Variants in SGCZ observed in about 807,000 individuals in gnomAD.
SGCZ encodes the protein zeta-sarcoglycan.
SGCZ carries 40 observed loss-of-function variants against 41.3 expected under a neutral mutation model. That is an observed-to-expected ratio of 0.97 (90% CI 0.75 to 1.26). SGCZ has a LOEUF of 1.26. Ranked by LOEUF, SGCZ falls within the 50% of genes most tolerant of loss-of-function variation. SGCZ has a pLI of 0.00. For synonymous variants in SGCZ, 206 were observed against 137.5 expected (o/e 1.50, Z -3.49); for missense variants, 552 against 369.8 (o/e 1.49, Z -4.04).
intron 1 of SGCZ, among the ~76,000 whole-genome samples, chr8:14,624,286 A>G (rs1284029018): frequency 6.6e-6 from 1 of 152,068 alleles, no homozygotes; most frequent in African/African-American, 2.4e-5. Flanking sequence ...CCCAATAACA[A>G]TGTTTATAAT....
intron 1 of SGCZ, among the ~76,000 whole-genome samples, chr8:14,658,426 C>T (rs1232577290): frequency 6.6e-6 from 1 of 152,088 alleles, no homozygotes; most frequent in Non-Finnish European, 1.5e-5. Flanking sequence ...TTGCTCCGTG[C>T]TTTCCTATTT....
intron 1 of SGCZ, among the ~76,000 whole-genome samples, chr8:15,062,407 T>C (rs1271622061): frequency 6.6e-6 from 1 of 152,172 alleles, no homozygotes; most frequent in African/African-American, 2.4e-5. Context: ...AAGTAGGTTT[T>C]CGTCTGTCTG....
At chr8:14,129,379 T>G (rs1802966312) in intron 5 of SGCZ, among the ~76,000 whole-genome samples, 1 of 139,910 alleles carries the variant, frequency 7.1e-6, no homozygotes, top group African/African-American at 2.6e-5. Context: ...AAAAATCTGC[T>G]CTTGTACTCA....
At position 14,621,946 on chromosome 8, in the gene SGCZ, T is replaced by C. The variant is rs550636565; in HGVS notation, c.40-67020A>G. 8.5e-5 allele frequency among the ~76,000 whole-genome samples: 13 copies of C among 152,202 alleles called. No homozygotes were observed. In the East Asian group the frequency reaches 1.9e-3, roughly 23 times the overall value. On this transcript the variant is annotated intron_variant, in intron 1 of 7. Coordinates refer to ENST00000382080, the MANE Select transcript of SGCZ (RefSeq NM_139167.4). The stretch of plus-strand genomic sequence containing the variant: ...TCTCTCCCCAAACCATACAGACTTA[T>C]GGTTTGGCTCTGTGTCCCCGCCAAG...
At chr8:14,896,437 T>TTTTATTGATTTATTTATTTA (rs1554518748) in intron 1 of SGCZ, among the ~76,000 whole-genome samples, 6 of 151,306 alleles carry the variant, frequency 4.0e-5, no homozygotes, top group African/African-American at 1.5e-4. Context: ...GATGGAAGAC[T>TTTTATTGATTTATTTATTTA]TTTATTTATT....
chr8:14,860,734 G>GAAAA (rs1431132460), intron 1 of SGCZ, among the ~76,000 whole-genome samples: 1 of 137,708 alleles, frequency 7.3e-6, no homozygotes, highest in African/African-American at 2.6e-5. Flanking sequence ...AAGAAAGAAA[G>GAAAA]AAAGTAAGTA....
intron 3 of SGCZ, among the ~76,000 whole-genome samples, chr8:14,288,620 A>G (rs1442163820): frequency 1.3e-5 from 2 of 152,168 alleles, no homozygotes; most frequent in East Asian, 3.8e-4. Context: ...ATAGTATTTC[A>G]ATCCTTTCAT....
chr8:14,236,929 T>C (rs28422064), intron 4 of SGCZ, among the ~76,000 whole-genome samples: 1,572 of 152,030 alleles, frequency 0.01, 33 homozygotes, highest in African/African-American at 0.036. Flanking sequence ...CATTAATTTA[T>C]ATTAACAACA....
intron 5 of SGCZ, among the ~76,000 whole-genome samples, chr8:14,139,933 T>C (rs1478214700): frequency 6.6e-6 from 1 of 152,162 alleles, no homozygotes; most frequent in Non-Finnish European, 1.5e-5. Context: ...GCAAAAATCC[T>C]CAATAAAATA....
chr8:14,410,204 C>T (rs11984849), intron 2 of SGCZ, among the ~76,000 whole-genome samples: 20,441 of 151,994 alleles, frequency 0.13, 3,016 homozygotes, highest in African/African-American at 0.37. Context: ...GAACATTTAT[C>T]CCGAAACCAT....
In SGCZ at chr8:14,630,869, T is replaced by C. The variant is rs192043924; in HGVS notation, c.40-75943A>G. Among the ~76,000 whole-genome samples, 540 of 89,744 alleles carry C rather than the reference T, an allele frequency of 6.0e-3. 3 individuals carry two copies. The highest frequency in any genetic ancestry group is 0.022 in the African/African-American group (506 of 23,418). The allele number at this position is 89,744 out of a possible 152,430, so 58.9% of individuals were successfully genotyped here. On this transcript the variant is annotated intron_variant, in intron 1 of 7. Coordinates refer to ENST00000382080, the MANE Select transcript of SGCZ (RefSeq NM_139167.4). ...GGGAACATCAGACACTGGGGCCTGT[T>C]GTGGGGTGGGGGGAGGGGAGAGGGA...
At chr8:14,118,420 T>C (rs1802592122) in intron 5 of SGCZ, among the ~76,000 whole-genome samples, 1 of 152,118 alleles carries the variant, frequency 6.6e-6, no homozygotes, top group Non-Finnish European at 1.5e-5. Flanking sequence ...GGGGTTGTTT[T>C]TTTCTTGTAA....
At chr8:14,987,609 T>C (rs912993143) in intron 1 of SGCZ, among the ~76,000 whole-genome samples, 1 of 152,112 alleles carries the variant, frequency 6.6e-6, no homozygotes, top group Admixed American at 6.5e-5. Context: ...TACCCAGTCA[T>C]CCTTCTCCAA....
chr8:14,681,402 G>A (rs951676971), intron 1 of SGCZ, among the ~76,000 whole-genome samples: 6 of 152,126 alleles, frequency 3.9e-5, no homozygotes, highest in Non-Finnish European at 5.9e-5. Context: ...CTAAAAAATA[G>A]AAATAGGACT....
intron 4 of SGCZ, among the ~76,000 whole-genome samples, chr8:14,175,325 A>C (rs1804510888): frequency 6.6e-6 from 1 of 152,168 alleles, no homozygotes. Context: ...AAGACAGCTC[A>C]AAAATCAGAG....
In SGCZ at chr8:14,371,350, A is replaced by G. The variant is rs1326911300; in HGVS notation, c.235-47146T>C. Among the ~76,000 whole-genome samples, 4 of 152,028 alleles carry G rather than the reference A, an allele frequency of 2.6e-5. No homozygotes were observed. The East Asian group carries it at 7.7e-4, about 29-fold the overall frequency. On this transcript the variant is annotated intron_variant, in intron 2 of 7. Transcript: ENST00000382080. The stretch of plus-strand genomic sequence containing the variant: ...CAAGCCAGTTCAGTTAAATGACAAC[A>G]TTTTCTGGTATTAGAGTTCAGTTAA...
chr8:14,711,991 A>T (rs1360012642), intron 1 of SGCZ, among the ~76,000 whole-genome samples: 1 of 152,158 alleles, frequency 6.6e-6, no homozygotes, highest in Non-Finnish European at 1.5e-5. Flanking sequence ...TAACCAGGCC[A>T]GGCGTGGTGG....
At chr8:14,106,577 A>G (rs1802211021) in intron 6 of SGCZ, among the ~76,000 whole-genome samples, 1 of 151,508 alleles carries the variant, frequency 6.6e-6, no homozygotes, top group Non-Finnish European at 1.5e-5. Context: ...TTACTGTTGT[A>G]AAGTATGGTT....
At chr8:14,808,212 A>G (rs1484247211) in intron 1 of SGCZ, among the ~76,000 whole-genome samples, 1 of 152,208 alleles carries the variant, frequency 6.6e-6, no homozygotes, top group Non-Finnish European at 1.5e-5. Context: ...AATGGCAACA[A>G]AAGACAAAAT....
Sources: gnomAD v4.1 joint callset for allele counts (sites outside exome capture counted in the v4.1 genomes callset) on GRCh38, gnomAD v4.1.1 for gene constraint, MANE v1.5 for transcripts, NCBI Gene and HGNC (gene_info 2026-07-23, HGNC 2026-07-21) for gene names.